MED13L: variants seen among roughly 807,000 people sequenced by gnomAD.
The protein encoded by MED13L is mediator complex subunit 13L.
A neutral mutation model predicts 220.9 loss-of-function variants in MED13L; 7 were observed. The ratio of observed to expected loss-of-function variants is 0.03; its 90% CI spans 0.02 to 0.06. The LOEUF (loss-of-function observed/expected upper bound fraction) is 0.06. MED13L is among the 10% of genes least tolerant of loss of function. The pLI, the probability that MED13L is intolerant of heterozygous loss-of-function variation, is 1.00. For missense variants in MED13L, 1,965 were observed against 2,760.5 expected (o/e 0.71, Z 6.46); for synonymous variants, 1,011 against 1,015.2 (o/e 1.00, Z 0.08).
At chr12:115,964,418 C>G (rs1875996247) in intron 29 of MED13L, among the ~76,000 whole-genome samples, 1 of 152,204 alleles carries the variant, frequency 6.6e-6, no homozygotes, top group African/African-American at 2.4e-5. Context: ...TCACTGGGTT[C>G]AGGTGATACC....
At chr12:116,264,647 C>T (rs563035227) in intron 1 of MED13L, among the ~76,000 whole-genome samples, 2 of 152,270 alleles carry the variant, frequency 1.3e-5, no homozygotes, top group South Asian at 2.1e-4. Context: ...CTAACACTAT[C>T]GGCTGGGTTT....
intron 4 of MED13L, among the ~76,000 whole-genome samples, chr12:116,072,994 T>C (rs1022865381): frequency 2.0e-5 from 3 of 152,210 alleles, no homozygotes; most frequent in Admixed American, 2.0e-4. Context: ...TTAATTCTGC[T>C]TAATACTATG....
At position 116,028,444 on chromosome 12, in the gene MED13L, C is replaced by T. The variant is rs533650616; in HGVS notation, c.480-5843G>A. On this transcript the variant is annotated intron_variant, in intron 4 of 30. Transcript: ENST00000281928. ...TATTAAGGTCAACCTCTTTCTGATT[C>T]GGGGGGAAGGCAAGATTGAGCCCAA... 3.1e-3 allele frequency among the ~76,000 whole-genome samples: 477 copies of T among 152,156 alleles called. 3 individuals carry two copies. Among genetic ancestry groups the T allele is most frequent in the Middle Eastern group, 0.014 (4 of 294 alleles).
intron 2 of MED13L, among the ~76,000 whole-genome samples, chr12:116,223,593 G>C (rs1208691763): frequency 5.9e-5 from 9 of 152,020 alleles, no homozygotes; most frequent in Admixed American, 3.3e-4. Flanking sequence ...AGTCCCAGCA[G>C]CTCAGGAGGC....
intron 4 of MED13L, among the ~76,000 whole-genome samples, chr12:116,071,519 C>T (rs1171072455): frequency 5.9e-5 from 9 of 152,202 alleles, no homozygotes; most frequent in Non-Finnish European, 1.2e-4. Flanking sequence ...CTCTGCCTAC[C>T]GAATTCAAGT....
chr12:115,970,792 T>C (rs1876528642), intron 26 of MED13L, 22 bp from the exon 27 acceptor site: 1 of 1,608,372 alleles, frequency 6.2e-7, no homozygotes, highest in African/African-American at 1.3e-5. Flanking sequence ...AAAATAGAAT[T>C]ATATCAATCA....
chr12:116,004,500 G>A (rs1445339147), intron 13 of MED13L, among the ~76,000 whole-genome samples: 1 of 152,022 alleles, frequency 6.6e-6, no homozygotes, highest in Non-Finnish European at 1.5e-5. Flanking sequence ...TAGCCCTTCT[G>A]CCAGTTCAGT....
Position 116,165,474 on chromosome 12 carries a change from G to T in MED13L, c.311-53962C>A, listed in dbSNP as rs190120584. 1.7e-4 allele frequency among the ~76,000 whole-genome samples: 26 copies of T among 151,812 alleles called. No homozygotes were observed. In the East Asian group the frequency reaches 4.5e-3, roughly 26 times the overall value. ...GCCTCCCAAGCAGCTAGGACTATAGGCGCCCGCCACCAAGCCCAGCTAACT... is the reference window on the plus strand; with the variant it reads ...GCCTCCCAAGCAGCTAGGACTATAGTCGCCCGCCACCAAGCCCAGCTAACT... On this transcript the variant is annotated intron_variant, in intron 2 of 30. Transcript: ENST00000281928.
At chr12:116,017,361 A>T (rs1044634399) in intron 7 of MED13L, among the ~76,000 whole-genome samples, 21 of 152,256 alleles carry the variant, frequency 1.4e-4, no homozygotes, top group Non-Finnish European at 2.8e-4. Flanking sequence ...TTCACTAAGT[A>T]CAAGGCAAAA....
At chr12:116,210,351 G>C (rs1882611266) in intron 2 of MED13L, among the ~76,000 whole-genome samples, 1 of 151,846 alleles carries the variant, frequency 6.6e-6, no homozygotes, top group Non-Finnish European at 1.5e-5. Context: ...ATTCTTAAAG[G>C]AAATCAGAAA....
chr12:116,058,737 AAAC>A (rs1333521343), intron 4 of MED13L, among the ~76,000 whole-genome samples: 1 of 152,236 alleles, frequency 6.6e-6, no homozygotes. Flanking sequence ...GCCAACTGTA[AAAC>A]AACAACAGCA....
At chr12:116,146,590 C>T (rs1593098619) in intron 2 of MED13L, among the ~76,000 whole-genome samples, 2 of 151,962 alleles carry the variant, frequency 1.3e-5, no homozygotes, top group Admixed American at 6.6e-5. Flanking sequence ...AATAGCCAAC[C>T]ATGGTGACTC....
At chr12:116,042,576 T>C (rs934249730) in intron 4 of MED13L, among the ~76,000 whole-genome samples, 10 of 152,238 alleles carry the variant, frequency 6.6e-5, no homozygotes, top group Non-Finnish European at 1.2e-4. Flanking sequence ...ATATTACTAG[T>C]AAAGCCACAT....
chr12:116,252,060 A>C (rs1013070549), intron 1 of MED13L, among the ~76,000 whole-genome samples: 5 of 152,132 alleles, frequency 3.3e-5, no homozygotes, highest in Non-Finnish European at 7.3e-5. Flanking sequence ...AAACATCTGA[A>C]AAAGAAAAAC....
At chr12:116,081,510 T>A (rs1219370798) in intron 4 of MED13L, among the ~76,000 whole-genome samples, 1 of 152,194 alleles carries the variant, frequency 6.6e-6, no homozygotes, top group Non-Finnish European at 1.5e-5. Context: ...TGTATTAAAA[T>A]AGTGGATATA....
At chr12:116,036,607 G>A (rs771084059) in intron 4 of MED13L, among the ~76,000 whole-genome samples, 11 of 152,088 alleles carry the variant, frequency 7.2e-5, no homozygotes, top group Non-Finnish European at 1.5e-4. Flanking sequence ...AAATGCATTC[G>A]GATAATTGTA....
chr12:115,984,085 A>C (rs1353648952), intron 20 of MED13L, 95 bp downstream of exon 20: 1 of 1,358,110 alleles, frequency 7.4e-7, no homozygotes, highest in Non-Finnish European at 1.0e-6. Context: ...ACTTGAGACA[A>C]AAGAAATATA....
chr12:116,152,948 G>GA (rs1006780052), intron 2 of MED13L, among the ~76,000 whole-genome samples: 50 of 144,356 alleles, frequency 3.5e-4, no homozygotes, highest in Admixed American at 7.6e-4. Flanking sequence ...AAAAGAGCAG[G>GA]AAAAAAAAAA....
Position 116,137,810 on chromosome 12 carries a change from C to T in MED13L, c.311-26298G>A, listed in dbSNP as rs111301048. Among the ~76,000 whole-genome samples the T allele has an allele frequency of 6.4e-3, 966 of 151,410 alleles. 6 individuals are homozygous for T. The highest frequency in any genetic ancestry group is 0.022 in the African/African-American group (906 of 41,180). On this transcript the variant is annotated intron_variant, in intron 2 of 30. Transcript: ENST00000281928. ...TGTTGTACCTTGGAAACAGTAAGAG[C>T]TCAATAAATGCTTGTTACTTTTATA... is the stretch of plus-strand genomic sequence containing the variant.
Sources: gnomAD v4.1 joint callset for allele counts (sites outside exome capture counted in the v4.1 genomes callset) on GRCh38, gnomAD v4.1.1 for gene constraint, MANE v1.5 for transcripts, NCBI Gene and HGNC (gene_info 2026-07-23, HGNC 2026-07-21) for gene names.